The following ABCA4 variants were observed in gnomAD, a reference collection of about 807,000 sequenced individuals.
ABCA4 encodes the protein retinal-specific phospholipid-transporting ATPase ABCA4.
A neutral mutation model predicts 263.7 loss-of-function variants in ABCA4; 196 were observed. That is an observed-to-expected ratio of 0.74 (90% CI 0.66 to 0.84). The LOEUF is 0.84. Among genes scored for constraint, ABCA4 ranks in the 40% least tolerant of loss-of-function variants. The probability of loss-of-function intolerance (pLI) is 0.00; values close to 1 mark genes in which losing one functional copy is unlikely to be tolerated. For synonymous variants in ABCA4, 1,133 were observed against 1,094.2 expected, an observed-to-expected ratio of 1.04 and a Z score of -0.70; for missense variants, 2,792 against 2,855.1, an observed-to-expected ratio of 0.98 and a Z score of 0.50.
Position 94,010,887 on chromosome 1 carries a change from C to T in ABCA4, c.5627G>A (p.Gly1876Glu). ...SANPFHWDLI[G>E]KNLFAMVVEG... The stretch of plus-strand genomic sequence containing the variant: ...CACCACCATGGCAAACAGGTTCTTC[C>T]CAATCAGGTCCCAGTGGAACGGATT... Residue 1876 changes from glycine (G) to glutamate (E), a missense_variant, in exon 40 of 50, where the codon GGG (glycine) becomes GAG (glutamate). Gly to Glu is a moderately conservative substitution (Grantham distance 98). Transcript: ENST00000370225. 1 of 1,614,144 alleles carries T rather than the reference C, an allele frequency of 6.2e-7. No individual in the cohort carries two copies. Among genetic ancestry groups the T allele is most frequent in the South Asian group, 1.1e-5 (1 of 91,084 alleles).
At chr1:94,057,339 A>G (rs911973589) in intron 14 of ABCA4, among the ~76,000 whole-genome samples, 1 of 152,328 alleles carries the variant, frequency 6.6e-6, no homozygotes, top group East Asian at 1.9e-4. Context: ...TGTGTTAAGT[A>G]AGCAAATCCT....
chr1:94,075,698 C>T (rs1375238201), intron 11 of ABCA4, among the ~76,000 whole-genome samples: 1 of 152,244 alleles, frequency 6.6e-6, no homozygotes, highest in East Asian at 1.9e-4. Flanking sequence ...CTACTGCTCA[C>T]AGAAGCCCCT....
Position 94,103,382 on chromosome 1 carries a change from TG to T in ABCA4, c.443-241del, listed in dbSNP as rs4147878. Among the ~76,000 whole-genome samples the T allele has an allele frequency of 0.045, 6,864 of 152,176 alleles. 302 individuals are homozygous for T. The highest frequency in any genetic ancestry group is 0.13 in the East Asian group (688 of 5,162). On this transcript the variant is annotated intron_variant, in intron 4 of 49. Coordinates refer to ENST00000370225, the MANE Select transcript of ABCA4 (RefSeq NM_000350.3). ...GTGGAAAAAGTTAGCCAGGGCTGGA[TG>T]GGGGTGTCAGATGCTTTGTGGGGTT...
At chr1:94,080,836 T>G in intron 7 of ABCA4, 118 bp from the exon 8 acceptor site, 1 of 1,444,806 alleles carries the variant, frequency 6.9e-7, no homozygotes, top group Non-Finnish European at 9.6e-7. Context: ...ATCCATATAT[T>G]CTCAGCAATC....
chr1:94,071,360 G>T (rs1272485566), intron 11 of ABCA4, among the ~76,000 whole-genome samples: 2 of 152,128 alleles, frequency 1.3e-5, no homozygotes, highest in Non-Finnish European at 2.9e-5. Context: ...TCATAATAGT[G>T]CCTATTATGC....
intron 15 of ABCA4, among the ~76,000 whole-genome samples, chr1:94,055,616 G>C (rs139602451): frequency 4.6e-5 from 7 of 152,238 alleles, no homozygotes; most frequent in African/African-American, 1.7e-4. Flanking sequence ...ATGTACCCAA[G>C]AAGATGGCCT....
chr1:94,063,351 G>A (rs957864552), intron 11 of ABCA4, 34 bp from the exon 12 acceptor site: 7 of 1,594,542 alleles, frequency 4.4e-6, no homozygotes, highest in South Asian at 2.2e-5. Context: ...AGAGTGTGAG[G>A]AGGACCAACT....
intron 26 of ABCA4, among the ~76,000 whole-genome samples, chr1:94,034,738 C>A (rs997951667): frequency 1.3e-5 from 2 of 151,830 alleles, no homozygotes; most frequent in Admixed American, 6.6e-5. Flanking sequence ...CAGTTCCCCC[C>A]AGATGGGGCA....
At chr1:94,044,896 T>TAA in intron 19 of ABCA4, 152 bp from the exon 20 acceptor site, 1 of 1,054,694 alleles carries the variant, frequency 9.5e-7, no homozygotes, top group African/African-American at 1.6e-5. Context: ...TGGGGCCCCC[T>TAA]TAGCACCAGT....
At chr1:94,065,839 T>C (rs574715499) in intron 11 of ABCA4, among the ~76,000 whole-genome samples, 3 of 152,334 alleles carry the variant, frequency 2.0e-5, no homozygotes, top group South Asian at 2.1e-4. Flanking sequence ...AGTGACACCA[T>C]GCTAATGAGA....
Position 93,993,043 on chromosome 1 carries a change from G to T in ABCA4, c.*194C>A. 1 of 669,922 alleles carries T rather than the reference G, an allele frequency of 1.5e-6. No individual in the cohort carries two copies. Among genetic ancestry groups the T allele is most frequent in the Non-Finnish European group, 2.5e-6 (1 of 392,570 alleles). The allele number at this position is 669,922 out of a possible 1,614,324, so 41.5% of individuals were successfully genotyped here. The stretch of plus-strand genomic sequence containing the variant: ...GGTTTCACCATCAGGTGTTCCAGGT[G>T]AGCAAGTCAGTTTCGGTTTCCTTCT... On this transcript the variant is annotated 3_prime_UTR_variant, in exon 50 of 50. Coordinates refer to ENST00000370225, the MANE Select transcript of ABCA4 (RefSeq NM_000350.3).
chr1:94,082,412 T>A (rs1363768296), intron 7 of ABCA4, among the ~76,000 whole-genome samples: 1 of 152,208 alleles, frequency 6.6e-6, no homozygotes, highest in Non-Finnish European at 1.5e-5. Context: ...GTTTGTACAT[T>A]CTCTATCAAT....
At chr1:94,054,481 G>C (rs1660918906) in intron 16 of ABCA4, among the ~76,000 whole-genome samples, 1 of 152,178 alleles carries the variant, frequency 6.6e-6, no homozygotes, top group Non-Finnish European at 1.5e-5. Flanking sequence ...TTTGAACAGA[G>C]ACCTTAACAA....
chr1:94,039,256 T>C (rs372540517), intron 24 of ABCA4, among the ~76,000 whole-genome samples: 1 of 152,344 alleles, frequency 6.6e-6, no homozygotes, highest in East Asian at 1.9e-4. Flanking sequence ...TCCCTCCAGT[T>C]GTAATGATCA....
At chr1:94,064,227 A>T (rs1193962093) in intron 11 of ABCA4, among the ~76,000 whole-genome samples, 1 of 152,268 alleles carries the variant, frequency 6.6e-6, no homozygotes, top group Non-Finnish European at 1.5e-5. Context: ...TAGGAATACA[A>T]GAAGGAAAGA....
rs1553197154 is a variant in ABCA4 at position 94,117,011 on chromosome 1, T to TTTCTTTCTTTCTTTC, written c.66+3954_67-3946dup. ...CTTTCTTTCTTTCTTTCTTTCTTTC[T>TTTCTTTCTTTCTTTC]TTCTTTCTTTCTTTCCTTTTCTTTC... On this transcript the variant is annotated intron_variant, in intron 1 of 49. Transcript: ENST00000370225. Among the ~76,000 whole-genome samples, 67 of 137,770 alleles carry TTTCTTTCTTTCTTTC rather than the reference T, an allele frequency of 4.9e-4. 1 individual carries two copies. Among genetic ancestry groups the TTTCTTTCTTTCTTTC allele is most frequent in the African/African-American group, 1.5e-3 (55 of 37,602 alleles). The allele number at this position is 137,770 out of a possible 152,430, so 90.4% of individuals were successfully genotyped here.
rs543957346 is a variant in ABCA4 at position 94,031,952 on chromosome 1, A to G, written c.3954T>C (p.Asn1318=). 10 of 1,613,960 alleles carry G rather than the reference A, an allele frequency of 6.2e-6. No individual in the cohort carries two copies. The South Asian group carries it at 7.7e-5, about 12-fold the overall frequency. The change falls in exon 27 of 50, where the codon AAT becomes AAC. Residue 1318 remains asparagine (N), a synonymous_variant. Transcript: ENST00000370225. The part of the protein sequence containing the change: ...EKAGQTPQDS[N]VCSPGAPAAH... The stretch of plus-strand genomic sequence containing the variant: ...CAGCCGGCGCCCCTGGGGAGCAGAC[A>G]TTGGAGTCCTGGGGTGTCTGTCCAG...
intron 4 of ABCA4, among the ~76,000 whole-genome samples, chr1:94,103,997 C>T (rs970998756): frequency 6.6e-6 from 1 of 152,212 alleles, no homozygotes; most frequent in Non-Finnish European, 1.5e-5. Context: ...GCATTTTCCA[C>T]ATCTACCTCA....
rs1218363263 is a variant in ABCA4, at chr1:94,044,104, TCCTTCCTTCCTTCCTTCCTC to T, written c.3050+489_3050+508del. On this transcript the variant is annotated intron_variant, in intron 20 of 49. Transcript: ENST00000370225. The stretch of plus-strand genomic sequence containing the variant: ...TCCCTCCCTCCCTTCTTTCCTTCCT[TCCTTCCTTCCTTCCTTCCTC>T]CCTTCCTTCCTCCCTTCCTTTTTTT... 0.022 allele frequency among the ~76,000 whole-genome samples: 240 copies of T among 10,676 alleles called. 2 individuals are homozygous for T. The Non-Finnish European group carries it at 0.35, about 16-fold the overall frequency. 7.0% of individuals were successfully genotyped at this position (10,676 alleles called of 152,430 possible).
Sources: gnomAD v4.1 joint callset for allele counts (sites outside exome capture counted in the v4.1 genomes callset) on GRCh38, gnomAD v4.1.1 for gene constraint, MANE v1.5 for transcripts, NCBI Gene and HGNC (gene_info 2026-07-23, HGNC 2026-07-21) for gene names.